Variants in NDUFA5 observed in about 807,000 individuals in gnomAD.
NDUFA5 encodes the protein NADH dehydrogenase [ubiquinone] 1 alpha subcomplex subunit 5.
In NDUFA5, 11 loss-of-function variants were observed where a neutral mutation model predicts 19.8. The observed-to-expected ratio is 0.56, with a 90% CI of 0.35 to 0.92. The LOEUF is 0.92. Among genes scored for constraint, NDUFA5 ranks in the 40% least tolerant of loss-of-function variants. The probability of loss-of-function intolerance (pLI) is 0.01; values close to 1 mark genes in which losing one functional copy is unlikely to be tolerated. For missense variants in NDUFA5, 109 were observed against 134.2 expected, an observed-to-expected ratio of 0.81 and a Z score of 0.93; for synonymous variants, 47 against 46.8, an observed-to-expected ratio of 1.00 and a Z score of -0.01.
chr7:123,562,411 A>G (rs888502484), upstream of NDUFA5, among the ~76,000 whole-genome samples: 1 of 152,178 alleles, frequency 6.6e-6, no homozygotes, highest in African/African-American at 2.4e-5. Context: ...CTTAGATAGC[A>G]TCTTTTTCCC....
At chr7:123,550,699 CTTT>C in intron 2 of NDUFA5, 113 bp from the exon 3 acceptor site, 2 of 469,718 alleles carry the variant, frequency 4.3e-6, no homozygotes, top group Non-Finnish European at 7.4e-6. Flanking sequence ...TTTTTTTTTG[CTTT>C]TTTTTTTTAA....
the NDUFA5 span, among the ~76,000 whole-genome samples, chr7:123,591,119 G>C: frequency 6.6e-6 from 1 of 151,988 alleles, no homozygotes; most frequent in Non-Finnish European, 1.5e-5. Flanking sequence ...TTGCTGTATA[G>C]GAATGCTTGT....
chr7:123,552,542 G>A lies in NDUFA5; in HGVS notation c.67-1956C>T, dbSNP rs539913384. Among the ~76,000 whole-genome samples, 11 of 150,360 alleles carry A rather than the reference G, an allele frequency of 7.3e-5. No individual in the cohort carries two copies. In the Admixed American group the frequency reaches 7.4e-4, roughly 10 times the overall value. ...AGGAGAAATACCTAATGTAGATGACGGGTTGATGGGTGCGGCAAACCACCA... is the reference window on the plus strand; with the variant it reads ...AGGAGAAATACCTAATGTAGATGACAGGTTGATGGGTGCGGCAAACCACCA... On this transcript the variant is annotated intron_variant, in intron 2 of 4. Coordinates refer to ENST00000355749, the MANE Select transcript of NDUFA5 (RefSeq NM_005000.5).
the NDUFA5 span, among the ~76,000 whole-genome samples, chr7:123,569,209 C>G: frequency 6.6e-6 from 1 of 152,008 alleles, no homozygotes; most frequent in Non-Finnish European, 1.5e-5. Flanking sequence ...GCTAAAGAGA[C>G]AGACGTAAAT....
At chr7:123,570,029 C>CT in the NDUFA5 span, among the ~76,000 whole-genome samples, 1,054 of 88,014 alleles carry the variant, frequency 0.012, 23 homozygotes, top group Middle Eastern at 0.015. Context: ...ACTGCCATAG[C>CT]TTTTTTTTTT....
At chr7:123,595,801 C>G in the NDUFA5 span, among the ~76,000 whole-genome samples, 1 of 152,140 alleles carries the variant, frequency 6.6e-6, no homozygotes, top group Non-Finnish European at 1.5e-5. Context: ...ACCCAAAGCC[C>G]CCTTGAAAGT....
the NDUFA5 span, among the ~76,000 whole-genome samples, chr7:123,580,395 G>A: frequency 1.3e-5 from 2 of 151,952 alleles, no homozygotes; most frequent in Non-Finnish European, 2.9e-5. Context: ...AACTTGCTAG[G>A]CACAGGAGAG....
At chr7:123,589,840 T>TG in the NDUFA5 span, among the ~76,000 whole-genome samples, 2 of 152,348 alleles carry the variant, frequency 1.3e-5, no homozygotes, top group African/African-American at 4.8e-5. Context: ...TACCCAGTAA[T>TG]GGGATCGCTA....
the NDUFA5 span, among the ~76,000 whole-genome samples, chr7:123,589,049 G>T: frequency 6.6e-6 from 1 of 151,668 alleles, no homozygotes; most frequent in African/African-American, 2.4e-5. Context: ...GTAATGTTCT[G>T]CATATGTCTG....
chr7:123,582,349 G>C, the NDUFA5 span, among the ~76,000 whole-genome samples: 776 of 152,052 alleles, frequency 5.1e-3, 8 homozygotes, highest in Non-Finnish European at 8.7e-3. Context: ...ATGGCCTTTA[G>C]AGATTCTGAC....
chr7:123,575,483 G>T, the NDUFA5 span, among the ~76,000 whole-genome samples: 2 of 151,996 alleles, frequency 1.3e-5, no homozygotes, highest in East Asian at 1.9e-4. Context: ...AACTTTAATT[G>T]TATCACTTCT....
the NDUFA5 span, among the ~76,000 whole-genome samples, chr7:123,581,754 A>G: frequency 7.2e-5 from 11 of 151,812 alleles, no homozygotes; most frequent in Admixed American, 2.0e-4. Flanking sequence ...TTCTTTTATC[A>G]TTGTTTAAGT....
chr7:123,545,087 C>A (rs893877910), intron 4 of NDUFA5, among the ~76,000 whole-genome samples: 1 of 151,984 alleles, frequency 6.6e-6, no homozygotes, highest in South Asian at 2.1e-4. Flanking sequence ...TCTTCATAAT[C>A]ATGCTTACAT....
chr7:123,580,917 A>C, the NDUFA5 span, among the ~76,000 whole-genome samples: 1 of 152,058 alleles, frequency 6.6e-6, no homozygotes, highest in Admixed American at 6.6e-5. Flanking sequence ...TATTATGAAA[A>C]GAGACCAATA....
chr7:123,546,945 T>G, intron 3 of NDUFA5: 1 of 372,468 alleles, frequency 2.7e-6, no homozygotes, highest in East Asian at 7.4e-5. Flanking sequence ...TCCTGAATTA[T>G]CCATATAGTC....
chr7:123,550,581 T>A lies in NDUFA5; in HGVS notation c.72A>T (p.Leu24=). 1 of 1,585,786 alleles carries A rather than the reference T, an allele frequency of 6.3e-7. No homozygotes were observed. Among genetic ancestry groups the A allele is most frequent in the African/African-American group, 1.3e-5 (1 of 74,228 alleles). The change falls in exon 3 of 5, where the codon CTA becomes CTT. Residue 24 remains leucine, a synonymous_variant. Transcript: ENST00000355749. ...CAAGAATCTTTGTGTACAATATTCT[T>A]AGCCTCTGAAAAGACAAACCATACA... ...LAVCNTPHER[L]RILYTKILDV...
At chr7:123,587,518 A>G in the NDUFA5 span, among the ~76,000 whole-genome samples, 4 of 150,970 alleles carry the variant, frequency 2.6e-5, no homozygotes, top group Non-Finnish European at 5.9e-5. Flanking sequence ...TTCCTTTTCT[A>G]TTTGGATGCC....
intron 4 of NDUFA5, among the ~76,000 whole-genome samples, chr7:123,545,124 G>T (rs117578959): frequency 0.014 from 2,108 of 152,050 alleles, 16 homozygotes; most frequent in Admixed American, 0.022. Context: ...ATTTGTCAGG[G>T]TTAGTATTTG....
At chr7:123,588,094 G>C in the NDUFA5 span, among the ~76,000 whole-genome samples, 1 of 151,800 alleles carries the variant, frequency 6.6e-6, no homozygotes, top group African/African-American at 2.4e-5. Context: ...TTTTGCAAGA[G>C]TTTGAGCAGA....
Sources: gnomAD v4.1 joint callset for allele counts (sites outside exome capture counted in the v4.1 genomes callset) on GRCh38, gnomAD v4.1.1 for gene constraint, MANE v1.5 for transcripts, NCBI Gene and HGNC (gene_info 2026-07-23, HGNC 2026-07-21) for gene names.